The following LGMN variants were observed in gnomAD, a reference collection of about 807,000 sequenced individuals.
The protein encoded by LGMN is asparaginyl endopeptidase.
A neutral mutation model predicts 56.8 loss-of-function variants in LGMN; 36 were observed. That is an observed-to-expected ratio of 0.63 (90% CI 0.49 to 0.84). The LOEUF is 0.84. LGMN is among the 40% of genes least tolerant of loss of function. The probability of loss-of-function intolerance (pLI) is 0.00; values close to 1 mark genes in which losing one functional copy is unlikely to be tolerated. For synonymous variants in LGMN, 199 were observed against 210.1 expected (o/e 0.95, Z 0.46); for missense variants, 446 against 556.1 (o/e 0.80, Z 1.99).
intron 1 of LGMN, among the ~76,000 whole-genome samples, chr14:92,739,440 A>G (rs1247610447): frequency 6.6e-6 from 1 of 151,954 alleles, no homozygotes; most frequent in Non-Finnish European, 1.5e-5. Flanking sequence ...CTCTCCTCCT[A>G]TCTACTCTCT....
chr14:92,712,221 T>C (rs545288470), intron 8 of LGMN, among the ~76,000 whole-genome samples: 1 of 152,340 alleles, frequency 6.6e-6, no homozygotes, highest in Admixed American at 6.5e-5. Flanking sequence ...CATCATGCTA[T>C]TCTGGAAGAA....
rs71123370 is a variant in LGMN, at chr14:92,719,158, GCCA to G, written c.139-317_139-315del. Among the ~76,000 whole-genome samples, 188 of 96,308 alleles carry G rather than the reference GCCA, an allele frequency of 2.0e-3. 1 individual carries two copies. In the Middle Eastern group the frequency reaches 0.03, roughly 15 times the overall value. The allele number at this position is 96,308 out of a possible 152,430, so 63.2% of individuals were successfully genotyped here. A position where few individuals can be genotyped will look rare whatever the true frequency, so the allele number is the denominator to read the frequency against. On this transcript the variant is annotated intron_variant, in intron 2 of 13. Coordinates refer to ENST00000334869, the MANE Select transcript of LGMN (RefSeq NM_005606.7). ...CGCCACCGCCACCACCACCGCCACT[GCCA>G]CCACCACCACCACCACCACCATCAC...
At chr14:92,717,575 A>G (rs1890133995) in intron 3 of LGMN, 114 bp from the exon 4 acceptor site, 3 of 761,344 alleles carry the variant, frequency 3.9e-6, no homozygotes, top group African/African-American at 3.4e-5. Context: ...GGTCAAAGAA[A>G]CAACTTATGG....
At chr14:92,727,144 A>C (rs1479995898) in intron 2 of LGMN, among the ~76,000 whole-genome samples, 1 of 151,632 alleles carries the variant, frequency 6.6e-6, no homozygotes, top group Admixed American at 6.6e-5. Context: ...AGCAAGATGA[A>C]AAGAGGCTGG....
At chr14:92,729,822 C>T (rs1890956826) in intron 2 of LGMN, among the ~76,000 whole-genome samples, 2 of 152,216 alleles carry the variant, frequency 1.3e-5, no homozygotes, top group Admixed American at 6.5e-5. Flanking sequence ...GCAGGGAGGG[C>T]TGAGGCAGGG....
At chr14:92,725,469 A>G (rs1199735357) in intron 2 of LGMN, among the ~76,000 whole-genome samples, 2 of 152,232 alleles carry the variant, frequency 1.3e-5, no homozygotes, top group Admixed American at 1.3e-4. Flanking sequence ...CCTCGAGCCC[A>G]GGAGTTTGAG....
rs545467896 is a variant in LGMN at position 92,731,586 on chromosome 14, T to C, written c.138+1063A>G. Among the ~76,000 whole-genome samples, 3 of 152,384 alleles carry C rather than the reference T, an allele frequency of 2.0e-5. No homozygotes were observed. In the East Asian group the frequency reaches 5.8e-4, roughly 29 times the overall value. ...GGTCTTTGTGACTAGCTCCTTAGCA[T>C]GTTTGTAAGGTTCACCCATGTTGAA... On this transcript the variant is annotated intron_variant, in intron 2 of 13. Coordinates refer to ENST00000334869, the MANE Select transcript of LGMN (RefSeq NM_005606.7).
chr14:92,740,646 G>A (rs1045013830), intron 1 of LGMN, among the ~76,000 whole-genome samples: 7 of 152,172 alleles, frequency 4.6e-5, no homozygotes, highest in Admixed American at 1.3e-4. Context: ...AGTTTCCTCC[G>A]GCAGTAGGAC....
chr14:92,736,190 A>G (rs1393869873), intron 1 of LGMN, among the ~76,000 whole-genome samples: 2 of 152,248 alleles, frequency 1.3e-5, no homozygotes, highest in Non-Finnish European at 2.9e-5. Context: ...ACAACAAAGC[A>G]AAACAAAGTC....
chr14:92,708,856 C>CAAAA (rs58813848), intron 11 of LGMN, among the ~76,000 whole-genome samples: 12 of 71,640 alleles, frequency 1.7e-4, no homozygotes, highest in African/African-American at 5.1e-4. Context: ...ACTCTTGTCT[C>CAAAA]AAAAAAAAAA....
At position 92,713,886 on chromosome 14, in the gene LGMN, C is replaced by G. The variant is rs765029315; in HGVS notation, c.481-1G>C. On this transcript the variant is annotated splice_acceptor_variant, in intron 6 of 13. Coordinates refer to ENST00000334869, the MANE Select transcript of LGMN (RefSeq NM_005606.7). LOFTEE classifies it high-confidence loss of function. ...TCTCATTCAGGTCCTTTACATGAAG[C>G]TGAAAGGTGAGAATATTGTCAGACC... 9.9e-6 allele frequency: 16 copies of G among 1,608,848 alleles called. No homozygotes were observed. The highest frequency in any genetic ancestry group is 1.4e-5 in the Non-Finnish European group (16 of 1,175,298).
At chr14:92,712,030 C>T in intron 8 of LGMN, 75 bp from the exon 9 acceptor site, 1 of 1,140,034 alleles carries the variant, frequency 8.8e-7, no homozygotes. Flanking sequence ...TTGAGTCCTT[C>T]TTTCTCCCCC....
intron 1 of LGMN, among the ~76,000 whole-genome samples, chr14:92,746,376 T>G (rs1326026976): frequency 6.6e-6 from 1 of 152,186 alleles, no homozygotes; most frequent in Non-Finnish European, 1.5e-5. Context: ...AAAAAAAGAA[T>G]ATGCTGGACA....
chr14:92,715,996 C>T (rs1890053564), intron 5 of LGMN, 140 bp downstream of exon 5: 1 of 586,336 alleles, frequency 1.7e-6, no homozygotes, highest in Non-Finnish European at 3.0e-6. Context: ...AAGCACCTGT[C>T]CTAAGTCAGA....
At chr14:92,707,135 A>C (rs1366441075) in intron 11 of LGMN, among the ~76,000 whole-genome samples, 2 of 151,872 alleles carry the variant, frequency 1.3e-5, no homozygotes, top group Admixed American at 1.3e-4. Context: ...TCAGGCCTGT[A>C]CTCCCAGTAC....
intron 12 of LGMN, 127 bp from the exon 13 acceptor site, chr14:92,704,834 T>A: frequency 1.4e-6 from 1 of 737,312 alleles, no homozygotes; most frequent in Non-Finnish European, 2.5e-6. Flanking sequence ...CATGGATCCT[T>A]TCCCAACCTT....
chr14:92,733,141 C>A (rs1346264920), intron 1 of LGMN, among the ~76,000 whole-genome samples: 1 of 100,886 alleles, frequency 9.9e-6, no homozygotes, highest in Non-Finnish European at 1.9e-5. Flanking sequence ...GAGTCAGACT[C>A]TGTCTCCAAA....
At chr14:92,718,969 A>G (rs1890211812) in intron 2 of LGMN, 125 bp from the exon 3 acceptor site, 3 of 612,894 alleles carry the variant, frequency 4.9e-6, no homozygotes, top group Non-Finnish European at 9.0e-6. Flanking sequence ...CAGGCATTTA[A>G]ATTATTATTT....
chr14:92,748,032 T>C (rs1891894462), intron 1 of LGMN, among the ~76,000 whole-genome samples: 1 of 152,126 alleles, frequency 6.6e-6, no homozygotes, highest in African/African-American at 2.4e-5. Context: ...CTTTATAAGC[T>C]TGGGTATTTC....
Sources: gnomAD v4.1 joint callset for allele counts (sites outside exome capture counted in the v4.1 genomes callset) on GRCh38, gnomAD v4.1.1 for gene constraint, MANE v1.5 for transcripts, NCBI Gene and HGNC (gene_info 2026-07-23, HGNC 2026-07-21) for gene names.